The following RUFY3 variants were observed in gnomAD, a reference collection of about 807,000 sequenced individuals.
RUFY3 encodes RUN and FYVE domain containing 3.
RUFY3 carries 34 observed loss-of-function variants against 84.0 expected under a neutral mutation model. That is an observed-to-expected ratio of 0.40 (90% CI 0.31 to 0.54). The LOEUF (loss-of-function observed/expected upper bound fraction) is 0.54. Among genes scored for constraint, RUFY3 ranks in the 20% least tolerant of loss-of-function variants. The probability of loss-of-function intolerance (pLI) is 0.39; values close to 1 mark genes in which losing one functional copy is unlikely to be tolerated. For missense variants in RUFY3, 507 were observed against 736.8 expected (o/e 0.69, Z 3.61); for synonymous variants, 242 against 252.9 (o/e 0.96, Z 0.41).
chr4:70,745,969 G>A (rs1722139961), intron 1 of RUFY3, among the ~76,000 whole-genome samples: 1 of 151,948 alleles, frequency 6.6e-6, no homozygotes, highest in African/African-American at 2.4e-5. Context: ...GAAACTGGGA[G>A]GCAGAGGTTG....
Position 70,789,370 on chromosome 4 carries a change from A to G in RUFY3, c.1240-125A>G. On this transcript the variant is annotated intron_variant, in intron 11 of 17. Transcript: ENST00000381006. ...AAATTGCTTTTTTTTCCATTTCAGG[A>G]TTAACTGATATTGAAATATATGAAC... The G allele has an allele frequency of 2.1e-6, 2 of 954,148 alleles. 1 individual carries two copies. The highest frequency in any genetic ancestry group is 3.5e-5 in the South Asian group (2 of 57,354). 59.1% of individuals were successfully genotyped at this position (954,148 alleles called of 1,614,324 possible).
rs139339561 is a variant in RUFY3, at chr4:70,743,347, C to T, written c.179-19172C>T. ...TCAGCCTCTCAAAGTGCTGGGATTA[C>T]AAGTGTGAACCACTGTGCCTGGCCT... is the stretch of plus-strand genomic sequence containing the variant. On this transcript the variant is annotated intron_variant, in intron 1 of 17. Transcript: ENST00000381006. 3.5e-3 allele frequency among the ~76,000 whole-genome samples: 536 copies of T among 152,258 alleles called. 4 individuals carry two copies. The highest frequency in any genetic ancestry group is 0.012 in the African/African-American group (509 of 41,556).
At chr4:70,793,734 C>T (rs767951634) in intron 12 of RUFY3, 51 bp from the exon 13 acceptor site, 13 of 1,613,258 alleles carry the variant, frequency 8.1e-6, no homozygotes, top group African/African-American at 1.3e-5. Context: ...TGGTCTTCTT[C>T]CCCACCATGG....
At chr4:70,754,897 C>CTT (rs201053841) in intron 1 of RUFY3, among the ~76,000 whole-genome samples, 1 of 144,034 alleles carries the variant, frequency 6.9e-6, no homozygotes, top group African/African-American at 2.5e-5. Flanking sequence ...CATATTAAAG[C>CTT]TTTTTTTTTT....
chr4:70,803,847 C>T, intron 16 of RUFY3, among the ~76,000 whole-genome samples: 1 of 151,724 alleles, frequency 6.6e-6, no homozygotes, highest in African/African-American at 2.4e-5. Flanking sequence ...CTCAGCCTCC[C>T]GAGTAGCTGG....
At chr4:70,791,933 A>G (rs1373033276) in intron 12 of RUFY3, 1 of 984,766 alleles carries the variant, frequency 1.0e-6, no homozygotes, top group Non-Finnish European at 1.2e-6. Flanking sequence ...AAGAAAAAGC[A>G]GCATCCTTAT....
At chr4:70,766,178 G>A (rs1330568115) in intron 4 of RUFY3, among the ~76,000 whole-genome samples, 1 of 152,160 alleles carries the variant, frequency 6.6e-6, no homozygotes, top group Non-Finnish European at 1.5e-5. Flanking sequence ...CAAATTGATT[G>A]CAGTGTTGTT....
chr4:70,766,419 A>G (rs1357315109), intron 4 of RUFY3, among the ~76,000 whole-genome samples: 1 of 151,716 alleles, frequency 6.6e-6, no homozygotes, highest in Non-Finnish European at 1.5e-5. Context: ...TAATTTTTGT[A>G]TTTTTAGTAC....
chr4:70,774,224 G>A (rs1181465572), intron 6 of RUFY3, among the ~76,000 whole-genome samples: 1 of 152,042 alleles, frequency 6.6e-6, no homozygotes, highest in African/African-American at 2.4e-5. Flanking sequence ...TCTTACAGCT[G>A]AAAAATCTGG....
At chr4:70,705,732 T>G (rs1299239495) in intron 1 of RUFY3, among the ~76,000 whole-genome samples, 1 of 152,158 alleles carries the variant, frequency 6.6e-6, no homozygotes, top group Non-Finnish European at 1.5e-5. Flanking sequence ...CCGTGGCCCC[T>G]CTGACCCGCC....
upstream of RUFY3, chr4:70,703,907 G>C (rs1739963274): frequency 6.6e-6 from 1 of 152,214 alleles, no homozygotes; most frequent in Admixed American, 6.5e-5. Flanking sequence ...TGGCTTCTAT[G>C]CCAGCATTAA....
intron 1 of RUFY3, among the ~76,000 whole-genome samples, chr4:70,732,367 A>C (rs568045687): frequency 2.5e-4 from 38 of 152,300 alleles, no homozygotes; most frequent in African/African-American, 9.1e-4. Context: ...GATATCCAAC[A>C]AACTTCTGGT....
intron 14 of RUFY3, among the ~76,000 whole-genome samples, chr4:70,799,169 G>GA (rs1731920641): frequency 6.7e-6 from 1 of 150,248 alleles, no homozygotes; most frequent in South Asian, 2.1e-4. Context: ...AAAGAGAAAA[G>GA]AAAAAAGAAA....
chr4:70,772,020 C>T (rs895410964), intron 5 of RUFY3, among the ~76,000 whole-genome samples: 3 of 151,412 alleles, frequency 2.0e-5, no homozygotes, highest in Admixed American at 6.6e-5. Flanking sequence ...GAAGAGGAGG[C>T]GGTTGGTCTT....
intron 4 of RUFY3, among the ~76,000 whole-genome samples, chr4:70,768,168 G>T (rs537129749): frequency 6.6e-6 from 1 of 152,238 alleles, no homozygotes; most frequent in East Asian, 1.9e-4. Context: ...ATAAAAGATT[G>T]CAAAATTATC....
chr4:70,716,085 G>T (rs1741565431), intron 1 of RUFY3, among the ~76,000 whole-genome samples: 1 of 152,034 alleles, frequency 6.6e-6, no homozygotes, highest in South Asian at 2.1e-4. Flanking sequence ...CTGCACTCCA[G>T]CCTGGGTGAC....
intron 8 of RUFY3, among the ~76,000 whole-genome samples, chr4:70,778,883 A>G (rs1728434212): frequency 6.6e-6 from 1 of 152,016 alleles, no homozygotes; most frequent in African/African-American, 2.4e-5. Flanking sequence ...CCTGGCCCAT[A>G]ACTCCTTATT....
chr4:70,780,446 A>T (rs1004164694), intron 8 of RUFY3, among the ~76,000 whole-genome samples: 2 of 152,132 alleles, frequency 1.3e-5, no homozygotes, highest in African/African-American at 4.8e-5. Flanking sequence ...GGCATGCACC[A>T]TCACAGCTGG....
At chr4:70,722,861 A>T in intron 1 of RUFY3, 110 bp downstream of exon 1, 2 of 1,036,508 alleles carry the variant, frequency 1.9e-6, no homozygotes, top group Non-Finnish European at 2.8e-6. Flanking sequence ...AACTGTTAAC[A>T]GTCCTGAAAA....
Sources: gnomAD v4.1 joint callset for allele counts (sites outside exome capture counted in the v4.1 genomes callset) on GRCh38, gnomAD v4.1.1 for gene constraint, MANE v1.5 for transcripts, NCBI Gene and HGNC (gene_info 2026-07-23, HGNC 2026-07-21) for gene names.